Variants in ANKS1B observed in about 807,000 individuals in gnomAD.
ANKS1B encodes ankyrin repeat and sterile alpha motif domain-containing protein 1B.
In ANKS1B, 36 loss-of-function variants were observed where a neutral mutation model predicts 148.3. The ratio of observed to expected loss-of-function variants is 0.24; its 90% confidence interval spans 0.19 to 0.32. The LOEUF is 0.32. Ranked by LOEUF, ANKS1B falls within the 10% of genes least tolerant of loss-of-function variation. The pLI, the probability that ANKS1B is intolerant of heterozygous loss-of-function variation, is 1.00. For missense variants in ANKS1B, 1,157 were observed against 1,542.6 expected, an observed-to-expected ratio of 0.75 and a Z score of 4.19; for synonymous variants, 542 against 560.8, an observed-to-expected ratio of 0.97 and a Z score of 0.47.
intron 12 of ANKS1B, among the ~76,000 whole-genome samples, chr12:99,256,174 A>G (rs895252240): frequency 2.0e-5 from 3 of 151,436 alleles, no homozygotes; most frequent in Non-Finnish European, 4.4e-5. Context: ...CGCTTGAACC[A>G]GGGAGTTGGA....
At chr12:99,241,725 G>A (rs905294186) in intron 14 of ANKS1B, among the ~76,000 whole-genome samples, 8 of 152,224 alleles carry the variant, frequency 5.3e-5, no homozygotes, top group African/African-American at 1.7e-4. Context: ...TCATCCCTGG[G>A]AGGCCAGGTT....
chr12:99,824,284 G>A (rs1362791738), intron 2 of ANKS1B, among the ~76,000 whole-genome samples: 1 of 151,920 alleles, frequency 6.6e-6, no homozygotes, highest in Admixed American at 6.6e-5. Flanking sequence ...GGCAGATCAC[G>A]AGGTCAGGAG....
chr12:98,867,593 G>A (rs2099631181), intron 17 of ANKS1B, among the ~76,000 whole-genome samples: 1 of 152,176 alleles, frequency 6.6e-6, no homozygotes, highest in Non-Finnish European at 1.5e-5. Flanking sequence ...GGGCGCAGTG[G>A]CTCACGCCTG....
At chr12:99,029,981 C>T (rs2099950989) in intron 17 of ANKS1B, among the ~76,000 whole-genome samples, 1 of 152,212 alleles carries the variant, frequency 6.6e-6, no homozygotes, top group South Asian at 2.1e-4. Context: ...TATTAAAATG[C>T]TTCAGGAAAG....
chr12:99,916,941 AT>A (rs1428494151), intron 1 of ANKS1B, among the ~76,000 whole-genome samples: 1 of 152,236 alleles, frequency 6.6e-6, no homozygotes, highest in Non-Finnish European at 1.5e-5. Context: ...CATTGCTGTA[AT>A]AACTGTAGTT....
At chr12:99,780,133 GCA>G (rs138729182) in intron 5 of ANKS1B, among the ~76,000 whole-genome samples, 161 bp from the exon 6 acceptor site, 2 of 150,974 alleles carry the variant, frequency 1.3e-5, no homozygotes, top group Non-Finnish European at 3.0e-5. Context: ...ACACACATGC[GCA>G]CACACACACA....
intron 17 of ANKS1B, among the ~76,000 whole-genome samples, chr12:98,941,510 C>G (rs956968430): frequency 2.0e-5 from 3 of 152,220 alleles, no homozygotes; most frequent in African/African-American, 7.2e-5. Flanking sequence ...TTTTGCTGCT[C>G]TGAGCATGTG....
Position 99,776,527 on chromosome 12 carries a change from GA to G in ANKS1B, c.848-867del, listed in dbSNP as rs1479044274. 1.4e-4 allele frequency among the ~76,000 whole-genome samples: 22 copies of G among 152,290 alleles called. No homozygotes were observed. The East Asian group carries it at 4.0e-3, about 28-fold the overall frequency. On this transcript the variant is annotated intron_variant, in intron 6 of 26. Transcript: ENST00000683438. ...ATAAAGAAAACAGCATCTGAATGTA[GA>G]AATAAATGTTAACCAATATTCAGCC...
chr12:99,699,270 T>C (rs535480397), intron 8 of ANKS1B, among the ~76,000 whole-genome samples: 1 of 152,286 alleles, frequency 6.6e-6, no homozygotes, highest in South Asian at 2.1e-4. Flanking sequence ...GAAGTCACCA[T>C]TTTTCCATGT....
intron 17 of ANKS1B, among the ~76,000 whole-genome samples, chr12:98,857,631 G>A (rs933340816): frequency 1.4e-4 from 21 of 151,926 alleles, no homozygotes; most frequent in African/African-American, 5.1e-4. Flanking sequence ...CAATGTCACT[G>A]GTTGAATAAA....
intron 9 of ANKS1B, among the ~76,000 whole-genome samples, chr12:99,551,045 T>C (rs2097212958): frequency 6.6e-6 from 1 of 152,154 alleles, no homozygotes; most frequent in South Asian, 2.1e-4. Flanking sequence ...CTACTTAGAC[T>C]CCATAATTAA....
chr12:98,924,470 A>G (rs1330055189), intron 17 of ANKS1B, among the ~76,000 whole-genome samples: 1 of 151,978 alleles, frequency 6.6e-6, no homozygotes, highest in Non-Finnish European at 1.5e-5. Context: ...TTCTAACTCT[A>G]AGTGTCCTTT....
At chr12:98,867,266 G>A (rs753169647) in intron 17 of ANKS1B, among the ~76,000 whole-genome samples, 2 of 152,126 alleles carry the variant, frequency 1.3e-5, no homozygotes, top group Non-Finnish European at 2.9e-5. Flanking sequence ...CACATCTCAA[G>A]GAAAGACTCT....
intron 15 of ANKS1B, among the ~76,000 whole-genome samples, chr12:99,095,512 C>T (rs1482848635): frequency 3.9e-5 from 6 of 152,150 alleles, no homozygotes; most frequent in Admixed American, 3.9e-4. Context: ...TGATAGATAT[C>T]TCCATTGGAT....
At chr12:98,995,711 T>A (rs1323154432) in intron 17 of ANKS1B, among the ~76,000 whole-genome samples, 2 of 152,206 alleles carry the variant, frequency 1.3e-5, no homozygotes, top group East Asian at 3.8e-4. Flanking sequence ...CTTCATGGAA[T>A]GAAAGGCAGT....
chr12:99,817,173 T>G (rs2081985820), intron 2 of ANKS1B, among the ~76,000 whole-genome samples: 1 of 143,346 alleles, frequency 7.0e-6, no homozygotes, highest in South Asian at 2.4e-4. Flanking sequence ...CCCCCCCCCT[T>G]TCCTTCAAAG....
chr12:99,839,812 C>T (rs990155041), intron 1 of ANKS1B, among the ~76,000 whole-genome samples: 6 of 152,070 alleles, frequency 3.9e-5, no homozygotes, highest in Admixed American at 2.6e-4. Context: ...CACAGCATGC[C>T]TTTAATCATT....
intron 10 of ANKS1B, among the ~76,000 whole-genome samples, chr12:99,478,885 G>A (rs1250786307): frequency 6.6e-6 from 1 of 151,958 alleles, no homozygotes; most frequent in Non-Finnish European, 1.5e-5. Flanking sequence ...GAAATAGCGT[G>A]AGCCACATAT....
At chr12:98,868,740 G>A (rs1393114190) in intron 17 of ANKS1B, among the ~76,000 whole-genome samples, 1 of 152,188 alleles carries the variant, frequency 6.6e-6, no homozygotes, top group East Asian at 1.9e-4. Flanking sequence ...TCTGATTATT[G>A]CTCAGCAAAT....
Sources: gnomAD v4.1 joint callset for allele counts (sites outside exome capture counted in the v4.1 genomes callset) on GRCh38, gnomAD v4.1.1 for gene constraint, MANE v1.5 for transcripts, NCBI Gene and HGNC (gene_info 2026-07-23, HGNC 2026-07-21) for gene names.